Variants in CADPS observed in about 807,000 individuals in gnomAD.
The protein encoded by CADPS is calcium-dependent secretion activator 1.
In CADPS, 57 loss-of-function variants were observed where a neutral mutation model predicts 167.3. That is an observed-to-expected ratio of 0.34 (90% CI 0.28 to 0.42). The LOEUF (loss-of-function observed/expected upper bound fraction) is 0.42, where lower values mean the gene tolerates loss of function less well. Among genes scored for constraint, CADPS ranks in the 20% least tolerant of loss-of-function variants. The pLI, the probability that CADPS is intolerant of heterozygous loss-of-function variation, is 1.00. For missense variants in CADPS, 1,414 were observed against 1,738.1 expected (o/e 0.81, Z 3.32); for synonymous variants, 676 against 635.3 (o/e 1.06, Z -0.96).
intron 1 of CADPS, among the ~76,000 whole-genome samples, chr3:62,810,334 C>G (rs989439497): frequency 7.2e-5 from 11 of 152,050 alleles, no homozygotes; most frequent in Non-Finnish European, 1.5e-4. Context: ...CATAATCACC[C>G]AATATAACTA....
chr3:62,562,472 T>G (rs1409659140), intron 9 of CADPS, among the ~76,000 whole-genome samples: 1 of 152,184 alleles, frequency 6.6e-6, no homozygotes, highest in African/African-American at 2.4e-5. Flanking sequence ...ATAACATCTG[T>G]GGGACATTTC....
intron 28 of CADPS, among the ~76,000 whole-genome samples, chr3:62,416,477 G>A (rs1012638804): frequency 2.6e-5 from 4 of 152,128 alleles, no homozygotes; most frequent in African/African-American, 9.7e-5. Context: ...AAATAGAGTC[G>A]ACTCCTCTCT....
intron 28 of CADPS, among the ~76,000 whole-genome samples, chr3:62,406,994 G>A (rs1708734559): frequency 6.6e-6 from 1 of 152,216 alleles, no homozygotes; most frequent in Admixed American, 6.5e-5. Flanking sequence ...GTTTCCTGAT[G>A]AAAATGGGGA....
At position 62,412,036 on chromosome 3, in the gene CADPS, A is replaced by G. The variant is rs145769670; in HGVS notation, c.3778-8851T>C. Among the ~76,000 whole-genome samples, 2 of 152,274 alleles carry G rather than the reference A, an allele frequency of 1.3e-5. No individual in the cohort carries two copies. The highest frequency in any genetic ancestry group is 4.8e-5 in the African/African-American group (2 of 41,552). On this transcript the variant is annotated intron_variant, in intron 28 of 29. Transcript: ENST00000383710. This position sits in a 1 kb window ranked among gnomAD's most constrained non-coding sequence, Gnocchi z 4.1. ...CAGCACAAAGCTATAATCAGACACC[A>G]AAGCTATAATCAGACACCGAAGCTC...
chr3:62,583,155 GTCTCTC>G (rs61474581), intron 8 of CADPS, among the ~76,000 whole-genome samples: 28,120 of 147,220 alleles, frequency 0.19, 2,867 homozygotes, highest in South Asian at 0.29. Context: ...TACCCTCTTT[GTCTCTC>G]TCTCTCTCTC....
At chr3:62,407,047 T>A (rs1454820337) in intron 28 of CADPS, among the ~76,000 whole-genome samples, 2 of 152,212 alleles carry the variant, frequency 1.3e-5, no homozygotes, top group South Asian at 4.1e-4. Flanking sequence ...GTAAATGAAA[T>A]CATGCTCATA....
intron 4 of CADPS, among the ~76,000 whole-genome samples, chr3:62,654,063 C>T (rs956962260): frequency 6.6e-6 from 1 of 152,162 alleles, no homozygotes; most frequent in Non-Finnish European, 1.5e-5. Context: ...CTAAAACTTC[C>T]TGCACAGTGG....
intron 3 of CADPS, among the ~76,000 whole-genome samples, chr3:62,737,956 A>AC (rs560058493): frequency 1.2e-4 from 19 of 152,030 alleles, no homozygotes; most frequent in Non-Finnish European, 2.4e-4. Flanking sequence ...GACATAATAT[A>AC]CTTTTTTTTT....
At chr3:62,466,552 A>C (rs1278230509) in intron 24 of CADPS, 139 bp from the exon 25 acceptor site, 2 of 695,756 alleles carry the variant, frequency 2.9e-6, no homozygotes. Context: ...AGAAATATTT[A>C]TAAGATCCTG....
chr3:62,854,907 A>G lies in CADPS; in HGVS notation c.441+19682T>C, dbSNP rs552491843. On this transcript the variant is annotated intron_variant, in intron 1 of 29. Transcript: ENST00000383710. ...TCAAACATGGAAATATGTATTCAAT[A>G]CAAAATATTTTAGTCTGAGATGTGT... 1.9e-4 allele frequency among the ~76,000 whole-genome samples: 29 copies of G among 152,054 alleles called. No individual in the cohort carries two copies. The East Asian group carries it at 1.9e-3, about 10-fold the overall frequency.
intron 13 of CADPS, among the ~76,000 whole-genome samples, chr3:62,530,274 A>T (rs1020874907): frequency 6.6e-6 from 1 of 152,142 alleles, no homozygotes; most frequent in Non-Finnish European, 1.5e-5. Context: ...AATCTATTTT[A>T]TTTGCTCCTT....
Position 62,549,933 on chromosome 3 carries a change from G to A in CADPS, c.1936C>T (p.Pro646Ser). 1 of 1,614,020 alleles carries A rather than the reference G, an allele frequency of 6.2e-7. No homozygotes were observed. ...QKLNAKGGNVPQLDAPISQFY... is the reference protein window; with the variant it reads ...QKLNAKGGNVSQLDAPISQFY... Reference sequence around the variant, plus strand: ...TGAGAGATAGGGGCATCCAGCTGAGGTACATTTCCTCCCTTGGCGTTGAGT... The same window carrying A: ...TGAGAGATAGGGGCATCCAGCTGAGATACATTTCCTCCCTTGGCGTTGAGT... Residue 646 changes from proline (P) to serine (S), a missense_variant, in exon 11 of 30, where the codon CCT (proline) becomes TCT (serine). Pro to Ser is a moderately conservative substitution (Grantham distance 74). Around this residue, in one of 6 missense-constraint regions of CADPS, gnomAD observed 529 missense variants for 629.6 expected, o/e 0.84. Coordinates refer to ENST00000383710, the MANE Select transcript of CADPS (RefSeq NM_003716.4).
chr3:62,556,781 G>A (rs1392708267), intron 10 of CADPS, among the ~76,000 whole-genome samples: 2 of 151,706 alleles, frequency 1.3e-5, no homozygotes, highest in African/African-American at 4.8e-5. Context: ...ACTACCGCTC[G>A]TGTAGTTTTC....
chr3:62,515,976 G>A, intron 16 of CADPS, 83 bp downstream of exon 16: 9 of 1,532,574 alleles, frequency 5.9e-6, no homozygotes, highest in Non-Finnish European at 8.1e-6. Context: ...CTGTTTTCAG[G>A]TGCCCTTGAG....
At chr3:62,641,028 T>C (rs902181116) in intron 6 of CADPS, among the ~76,000 whole-genome samples, 13 of 152,200 alleles carry the variant, frequency 8.5e-5, no homozygotes, top group African/African-American at 2.9e-4. Flanking sequence ...TTACTTTTCA[T>C]TGTATCCAGG....
intron 1 of CADPS, among the ~76,000 whole-genome samples, chr3:62,766,793 G>A (rs2086997951): frequency 6.6e-6 from 1 of 152,112 alleles, no homozygotes; most frequent in South Asian, 2.1e-4. Context: ...ATCAATGCAG[G>A]CAGCACTAAT....
intron 17 of CADPS, among the ~76,000 whole-genome samples, chr3:62,512,467 A>C (rs2068058440): frequency 6.6e-6 from 1 of 152,180 alleles, no homozygotes; most frequent in South Asian, 2.1e-4. Flanking sequence ...ACATGAGGCC[A>C]AATCACTGGA....
At chr3:62,444,074 A>G (rs2056818885) in intron 27 of CADPS, among the ~76,000 whole-genome samples, 3 of 152,182 alleles carry the variant, frequency 2.0e-5, no homozygotes, top group Non-Finnish European at 4.4e-5. Flanking sequence ...GTTAGTACCA[A>G]TGGCTGGATC....
intron 28 of CADPS, among the ~76,000 whole-genome samples, chr3:62,435,511 A>T (rs1336398864): frequency 4.6e-5 from 7 of 152,172 alleles, no homozygotes; most frequent in African/African-American, 9.7e-5. Flanking sequence ...AAAATGACAA[A>T]TGTTTTAAAT....
Sources: gnomAD v4.1 joint callset for allele counts (sites outside exome capture counted in the v4.1 genomes callset) on GRCh38, gnomAD v4.1.1 for gene constraint, gnomAD v4.1.1 regional missense constraint, Gnocchi (gnomAD v3.1) non-coding constraint, MANE v1.5 for transcripts, NCBI Gene and HGNC (gene_info 2026-07-23, HGNC 2026-07-21) for gene names.